STK32C: variants seen among roughly 807,000 people sequenced by gnomAD.
The protein encoded by STK32C is serine/threonine-protein kinase 32C.
STK32C carries 31 observed loss-of-function variants against 56.5 expected under a neutral mutation model. The ratio of observed to expected loss-of-function variants is 0.55; its 90% CI spans 0.41 to 0.74. The LOEUF is 0.74. Among genes scored for constraint, STK32C ranks in the 30% least tolerant of loss-of-function variants. STK32C has a pLI of 0.00. For synonymous variants in STK32C, 309 were observed against 289.4 expected (o/e 1.07, Z -0.69); for missense variants, 544 against 676.9 (o/e 0.80, Z 2.18).
intron 1 of STK32C, among the ~76,000 whole-genome samples, chr10:132,286,500 C>G: frequency 6.6e-6 from 1 of 151,994 alleles, no homozygotes; most frequent in Non-Finnish European, 1.5e-5. Flanking sequence ...GGCCAATATC[C>G]CTAATGAACA....
Position 132,271,746 on chromosome 10 carries a change from C to T in STK32C, c.263-25791G>A, listed in dbSNP as rs181492286. On this transcript the variant is annotated intron_variant, in intron 1 of 11. Transcript: ENST00000298630. ...TCACCCGTTCCTGACCCCAGACTCG[C>T]GCCCTCCCCGACACCCCACACCTAC... Among the ~76,000 whole-genome samples the T allele has an allele frequency of 3.7e-3, 569 of 152,294 alleles. 7 individuals carry two copies. Among genetic ancestry groups the T allele is most frequent in the African/African-American group, 0.013 (545 of 41,566 alleles).
Position 132,288,606 on chromosome 10 carries a change from T to C in STK32C, c.262+18966A>G, listed in dbSNP as rs559423566. Among the ~76,000 whole-genome samples the C allele has an allele frequency of 2.4e-4, 37 of 152,366 alleles. No homozygotes were observed. In the South Asian group the frequency reaches 6.4e-3, roughly 26 times the overall value. On this transcript the variant is annotated intron_variant, in intron 1 of 11. Coordinates refer to ENST00000298630, the MANE Select transcript of STK32C (RefSeq NM_173575.4). ...AAATCTCAACCTTAAAATGTGTGAA[T>C]TTTATGTAAATTAGACTTCAATAAA... is the stretch of plus-strand genomic sequence containing the variant.
At chr10:132,309,102 C>T (rs981882976), upstream of STK32C, among the ~76,000 whole-genome samples, 3 of 152,204 alleles carry the variant, frequency 2.0e-5, no homozygotes, top group Non-Finnish European at 4.4e-5. Context: ...GCTCCAAGGC[C>T]AGTGTCTCCC....
rs556583361 is a variant in STK32C, at chr10:132,252,111, G to T, written c.263-6156C>A. Reference sequence around the variant, plus strand: ...GCTGGACTTTGGCACTGTCTGATCAGAAGTCTCTGGCCAAGAACCCGCTAG... The same window carrying T: ...GCTGGACTTTGGCACTGTCTGATCATAAGTCTCTGGCCAAGAACCCGCTAG... On this transcript the variant is annotated intron_variant, in intron 1 of 11. Coordinates refer to ENST00000298630, the MANE Select transcript of STK32C (RefSeq NM_173575.4). Among the ~76,000 whole-genome samples the T allele has an allele frequency of 1.5e-3, 234 of 152,372 alleles. 1 individual carries two copies. Among genetic ancestry groups the T allele is most frequent in the African/African-American group, 5.4e-3 (223 of 41,580 alleles).
intron 1 of STK32C, among the ~76,000 whole-genome samples, chr10:132,304,095 C>T (rs1295826750): frequency 6.6e-6 from 1 of 152,166 alleles, no homozygotes; most frequent in Non-Finnish European, 1.5e-5. Flanking sequence ...AAAATGTATC[C>T]TAGGGAAACA....
exon 1 of STK32C, chr10:132,331,649 G>A (rs7100410): frequency 0.26 from 416,693 of 1,612,480 alleles, 56,993 homozygotes; most frequent in Middle Eastern, 0.31. Context: ...CAAAGGTGGT[G>A]CCTCAGCAGC....
chr10:132,228,197 T>C (rs2062963962), intron 2 of STK32C, 69 bp from the exon 3 acceptor site: 2 of 1,603,668 alleles, frequency 1.2e-6, no homozygotes, highest in East Asian at 4.5e-5. Flanking sequence ...CACCTGGAAA[T>C]GCATGGGGAT....
At chr10:132,319,037 G>A (rs1428481299), downstream of STK32C, among the ~76,000 whole-genome samples, 2 of 152,030 alleles carry the variant, frequency 1.3e-5, no homozygotes, top group East Asian at 1.9e-4. Flanking sequence ...CAACCTCCAC[G>A]TCCTGGGTTA....
intron 2 of STK32C, among the ~76,000 whole-genome samples, chr10:132,235,530 A>G (rs1245148189): frequency 1.3e-5 from 2 of 151,694 alleles, no homozygotes; most frequent in African/African-American, 4.8e-5. Context: ...GAAATCAATC[A>G]ATCAATGGAA....
At chr10:132,331,739 C>T in exon 1 of STK32C, 1 of 1,612,112 alleles carries the variant, frequency 6.2e-7, no homozygotes, top group Non-Finnish European at 8.5e-7. Context: ...CTTAGCATCC[C>T]GCTCTCTTCC....
chr10:132,238,351 T>A (rs914870961), intron 2 of STK32C, among the ~76,000 whole-genome samples: 6 of 152,030 alleles, frequency 3.9e-5, no homozygotes, highest in Admixed American at 6.6e-5. Context: ...AGACCGTTCG[T>A]TATAGTTACC....
At chr10:132,261,441 C>T (rs1272773796) in intron 1 of STK32C, among the ~76,000 whole-genome samples, 1 of 152,142 alleles carries the variant, frequency 6.6e-6, no homozygotes, top group Non-Finnish European at 1.5e-5. Flanking sequence ...GATGAAAGAG[C>T]TCTACAAGGG....
At chr10:132,303,843 GT>G (rs925911159) in intron 1 of STK32C, among the ~76,000 whole-genome samples, 2 of 152,194 alleles carry the variant, frequency 1.3e-5, no homozygotes, top group African/African-American at 2.4e-5. Flanking sequence ...GTGAAAATGG[GT>G]TTTCCCTTCC....
At chr10:132,258,658 G>A (rs1210197155) in intron 1 of STK32C, among the ~76,000 whole-genome samples, 4 of 152,244 alleles carry the variant, frequency 2.6e-5, no homozygotes, top group Non-Finnish European at 2.9e-5. Flanking sequence ...GGCACCTAAC[G>A]CCCTGGGTAC....
At chr10:132,283,480 G>T (rs2065279147) in intron 1 of STK32C, among the ~76,000 whole-genome samples, 1 of 152,228 alleles carries the variant, frequency 6.6e-6, no homozygotes, top group South Asian at 2.1e-4. Flanking sequence ...GTGTCATGGG[G>T]ACCAGGCTCC....
At chr10:132,325,346 A>G (rs1172882119) in intron 1 of STK32C, among the ~76,000 whole-genome samples, 2 of 152,004 alleles carry the variant, frequency 1.3e-5, no homozygotes, top group Admixed American at 1.3e-4. Context: ...AGGTCAGGAG[A>G]TCAAGACCGT....
upstream of STK32C, among the ~76,000 whole-genome samples, chr10:132,311,593 G>A (rs542637137): frequency 1.3e-5 from 2 of 152,192 alleles, no homozygotes; most frequent in African/African-American, 2.4e-5. The surrounding 1 kb of genome is among the most constrained non-coding windows in gnomAD (Gnocchi z 4.4). Context: ...CATGCAGGAC[G>A]GGCTGCAGCC....
At chr10:132,282,126 T>G (rs1166991378) in intron 1 of STK32C, among the ~76,000 whole-genome samples, 2 of 152,156 alleles carry the variant, frequency 1.3e-5, no homozygotes, top group Non-Finnish European at 2.9e-5. Context: ...CTACATTGTG[T>G]AACACTCAGC....
At chr10:132,236,869 C>T (rs1470410760) in intron 2 of STK32C, among the ~76,000 whole-genome samples, 1 of 152,190 alleles carries the variant, frequency 6.6e-6, no homozygotes, top group Non-Finnish European at 1.5e-5. Flanking sequence ...CGTGTTGGCC[C>T]CAGGGTCCCT....
Sources: gnomAD v4.1 joint callset for allele counts (sites outside exome capture counted in the v4.1 genomes callset) on GRCh38, gnomAD v4.1.1 for gene constraint, Gnocchi (gnomAD v3.1) non-coding constraint, MANE v1.5 for transcripts, NCBI Gene and HGNC (gene_info 2026-07-23, HGNC 2026-07-21) for gene names.